The following CELF2 variants were observed in gnomAD, a reference collection of about 807,000 sequenced individuals.
CELF2 encodes the protein CUG triplet repeat RNA-binding protein 2.
Under a neutral mutation model 62.6 loss-of-function variants are expected in CELF2, and 8 were observed. The ratio of observed to expected loss-of-function variants is 0.13; its 90% CI spans 0.07 to 0.23. CELF2 has a LOEUF of 0.23. Among genes scored for constraint, CELF2 ranks in the 10% least tolerant of loss-of-function variants. CELF2 has a pLI of 1.00. For missense variants in CELF2, 333 were observed against 671.0 expected (o/e 0.50, Z 5.56); for synonymous variants, 258 against 250.0 (o/e 1.03, Z -0.30).
At chr10:10,732,520 C>CTTTT in the CELF2 span, among the ~76,000 whole-genome samples, 3 of 110,380 alleles carry the variant, frequency 2.7e-5, no homozygotes, top group Non-Finnish European at 5.6e-5. Flanking sequence ...ACTCACTCTC[C>CTTTT]TTTTTTTTTT....
chr10:10,963,420 T>C (rs1226068927), intron 2 of CELF2, among the ~76,000 whole-genome samples: 1 of 152,212 alleles, frequency 6.6e-6, no homozygotes, highest in Non-Finnish European at 1.5e-5. Flanking sequence ...GGCTGTCATC[T>C]TTAACCTGCT....
the CELF2 span, among the ~76,000 whole-genome samples, chr10:10,525,799 T>A: frequency 6.6e-6 from 1 of 152,262 alleles, no homozygotes; most frequent in East Asian, 1.9e-4. Flanking sequence ...AACATGAGAA[T>A]GTCTTCCACA....
At position 11,288,533 on chromosome 10, in the gene CELF2, G is replaced by C. The variant is rs2091892201; in HGVS notation, c.957G>C (p.Leu319=). 8.7e-6 allele frequency: 14 copies of C among 1,613,854 alleles called. No homozygotes were observed. Among genetic ancestry groups the C allele is most frequent in the Non-Finnish European group, 1.2e-5 (14 of 1,180,018 alleles). Residue 319 remains leucine, a synonymous_variant, in exon 9 of 13, where the codon CTG becomes CTC. Coordinates refer to ENST00000633077, the MANE Select transcript of CELF2 (RefSeq NM_001326342.2). ...CTCTCTCTACCACGAGCAGCGCCCT[G>C]GGAGCCCTCACGAGTCCCGGTGAGT... ...ANPLSTTSSA[L]GALTSPVAAS... is the part of the protein sequence containing the mutation.
the CELF2 span, among the ~76,000 whole-genome samples, chr10:10,582,767 A>G: frequency 1.2e-4 from 18 of 152,328 alleles, no homozygotes; most frequent in African/African-American, 4.1e-4. Flanking sequence ...GGTAAAATAA[A>G]GGGAAGAATT....
chr10:10,656,800 A>T, the CELF2 span, among the ~76,000 whole-genome samples: 1 of 146,674 alleles, frequency 6.8e-6, no homozygotes, highest in Admixed American at 6.8e-5. Context: ...GCAGCGCACC[A>T]GCATGGCACA....
At chr10:11,192,305 T>A (rs2076450942) in intron 2 of CELF2, among the ~76,000 whole-genome samples, 1 of 152,214 alleles carries the variant, frequency 6.6e-6, no homozygotes, top group Admixed American at 6.5e-5. Context: ...GGGTAGTTAG[T>A]TGGAGGAACC....
Position 11,245,643 on chromosome 10 carries a change from G to A in CELF2, c.355-3510G>A, listed in dbSNP as rs115259844. 8.8e-3 allele frequency among the ~76,000 whole-genome samples: 1,346 copies of A among 152,306 alleles called. 24 individuals are homozygous for A. Among genetic ancestry groups the A allele is most frequent in the African/African-American group, 0.031 (1,275 of 41,572 alleles). On this transcript the variant is annotated intron_variant, in intron 3 of 12. Transcript: ENST00000633077. ...CGCAGAGCCTTCTGAAGAGTCTTAC[G>A]GCAGCACAAGCCAATTCTCTGAGCA...
chr10:11,019,386 GTAGGAC>G (rs2057923687), intron 1 of CELF2, among the ~76,000 whole-genome samples: 1 of 152,186 alleles, frequency 6.6e-6, no homozygotes, highest in South Asian at 2.1e-4. Flanking sequence ...TCTACCCACT[GTAGGAC>G]TTAACATCCC....
Position 11,075,866 on chromosome 10 carries a change from T to G in CELF2, c.74+57703T>G, listed in dbSNP as rs2071717443. Among the ~76,000 whole-genome samples, 1 of 152,100 alleles carries G rather than the reference T, an allele frequency of 6.6e-6. No homozygotes were observed. Among genetic ancestry groups the G allele is most frequent in the Non-Finnish European group, 1.5e-5 (1 of 67,994 alleles). ...TACTAGTAATCTGATTAATCTCAAT[T>G]AATTAAAATGTTTAATAAACTGCCA... On this transcript the variant is annotated intron_variant, in intron 1 of 12. Transcript: ENST00000633077. This position sits in a 1 kb window ranked among gnomAD's most constrained non-coding sequence, Gnocchi z 5.4.
chr10:10,793,608 G>A (rs1052023566), upstream of CELF2, among the ~76,000 whole-genome samples: 8 of 152,164 alleles, frequency 5.3e-5, no homozygotes, highest in Admixed American at 2.6e-4. Context: ...TTAAAAATGC[G>A]TTCAACTAGC....
intron 2 of CELF2, among the ~76,000 whole-genome samples, chr10:10,932,933 G>GAATT (rs1343610231): frequency 6.6e-6 from 1 of 152,116 alleles, no homozygotes; most frequent in African/African-American, 2.4e-5. Context: ...AATGAAATAT[G>GAATT]AATTAGAAAA....
At chr10:10,856,755 C>T (rs2059736078) in intron 1 of CELF2, among the ~76,000 whole-genome samples, 3 of 152,268 alleles carry the variant, frequency 2.0e-5, no homozygotes, top group African/African-American at 7.2e-5. Context: ...TAAGCATCAC[C>T]AGATTTATCT....
At chr10:11,279,927 A>T (rs1007524118) in intron 8 of CELF2, among the ~76,000 whole-genome samples, 7 of 152,082 alleles carry the variant, frequency 4.6e-5, no homozygotes, top group Non-Finnish European at 1.0e-4. Flanking sequence ...AATGTTTTGC[A>T]TGTTCAGTCA....
Position 11,178,168 on chromosome 10 carries a change from G to A in CELF2, c.271+12486G>A. On this transcript the variant is annotated intron_variant, in intron 2 of 12. Coordinates refer to ENST00000633077, the MANE Select transcript of CELF2 (RefSeq NM_001326342.2). This position sits in a 1 kb window ranked among gnomAD's most constrained non-coding sequence, Gnocchi z 4.3. Reference sequence around the variant, plus strand: ...ACCTGGTTCGGCGCAAAGAGGAAATGCGCGTTCTGTGCCCAGTCCTCGCTC... The same window carrying A: ...ACCTGGTTCGGCGCAAAGAGGAAATACGCGTTCTGTGCCCAGTCCTCGCTC... Among the ~76,000 whole-genome samples, 1 of 152,220 alleles carries A rather than the reference G, an allele frequency of 6.6e-6. No homozygotes were observed. The highest frequency in any genetic ancestry group is 1.5e-5 in the Non-Finnish European group (1 of 68,038).
At position 10,947,967 on chromosome 10, in the gene CELF2, C is replaced by G. The variant is rs1189312232; in HGVS notation, c.89+27968C>G. 1.3e-5 allele frequency among the ~76,000 whole-genome samples: 2 copies of G among 152,122 alleles called. No homozygotes were observed. Among genetic ancestry groups the G allele is most frequent in the African/African-American group, 4.8e-5 (2 of 41,430 alleles). ...GGGTGTTAGATATGTACAGATCATG[C>G]AAGGGAATGAGAAAGCTGGATGTAG... On this transcript the variant is annotated intron_variant, in intron 2 of 13. Coordinates refer to the CELF2 transcript ENST00000636488. This position sits in a 1 kb window ranked among gnomAD's most constrained non-coding sequence, Gnocchi z 4.1.
chr10:10,613,646 G>T, the CELF2 span, among the ~76,000 whole-genome samples: 1 of 152,156 alleles, frequency 6.6e-6, no homozygotes, highest in East Asian at 1.9e-4. Context: ...TCAAATTGTT[G>T]AATGCAAACA....
At chr10:10,527,409 T>C in the CELF2 span, among the ~76,000 whole-genome samples, 1 of 147,190 alleles carries the variant, frequency 6.8e-6, no homozygotes, top group Non-Finnish European at 1.5e-5. Context: ...TTCATGCCAC[T>C]GCTTTCCAGC....
In CELF2 at chr10:11,117,593, AAAC is replaced by A; in HGVS notation, c.75-47890_75-47888del. 6.6e-6 allele frequency among the ~76,000 whole-genome samples: 1 copy of A among 152,332 alleles called. No homozygotes were observed. Among genetic ancestry groups the A allele is most frequent in the Non-Finnish European group, 1.5e-5 (1 of 68,020 alleles). ...TCTGACTCCATAATATTTATGATAA[AAAC>A]AAAAACCACGTGTGTGATGGTATCA... On this transcript the variant is annotated intron_variant, in intron 1 of 12. Transcript: ENST00000633077. This position sits in a 1 kb window ranked among gnomAD's most constrained non-coding sequence, Gnocchi z 4.1.
the CELF2 span, among the ~76,000 whole-genome samples, chr10:10,586,829 G>A: frequency 6.6e-6 from 1 of 152,104 alleles, no homozygotes; most frequent in Non-Finnish European, 1.5e-5. Context: ...TTTTGAACAC[G>A]TTTTCCTGGT....
Sources: gnomAD v4.1 joint callset for allele counts (sites outside exome capture counted in the v4.1 genomes callset) on GRCh38, gnomAD v4.1.1 for gene constraint, Gnocchi (gnomAD v3.1) non-coding constraint, MANE v1.5 for transcripts, NCBI Gene and HGNC (gene_info 2026-07-23, HGNC 2026-07-21) for gene names.